SLC39A11: variants seen among roughly 807,000 people sequenced by gnomAD.
The protein encoded by SLC39A11 is zinc transporter ZIP11.
A neutral mutation model predicts 36.1 loss-of-function variants in SLC39A11; 33 were observed. The observed-to-expected ratio is 0.91, with a 90% CI of 0.69 to 1.22. The LOEUF (loss-of-function observed/expected upper bound fraction) is 1.22. SLC39A11 is among the 50% of genes most tolerant of loss of function. SLC39A11 has a pLI of 0.00. For missense variants in SLC39A11, 432 were observed against 430.3 expected (o/e 1.00, Z -0.03); for synonymous variants, 166 against 170.3 (o/e 0.97, Z 0.20).
intron 6 of SLC39A11, among the ~76,000 whole-genome samples, chr17:72,847,438 A>T (rs2079104063): frequency 6.6e-6 from 1 of 151,954 alleles, no homozygotes; most frequent in African/African-American, 2.4e-5. Flanking sequence ...AAAACCAACT[A>T]AAAAAAGCTT....
chr17:72,834,296 AG>A (rs1289133243), intron 6 of SLC39A11, among the ~76,000 whole-genome samples: 1 of 152,214 alleles, frequency 6.6e-6, no homozygotes, highest in Non-Finnish European at 1.5e-5. Context: ...ACAGGTGGCC[AG>A]GGACTATGGA....
chr17:72,751,613 C>T (rs1040630509), intron 6 of SLC39A11, among the ~76,000 whole-genome samples: 2 of 151,994 alleles, frequency 1.3e-5, no homozygotes, highest in African/African-American at 2.4e-5. Context: ...AGTCTTGCTC[C>T]GTCGCCCAGG....
At chr17:72,650,551 CGT>C (rs1488301191) in intron 7 of SLC39A11, among the ~76,000 whole-genome samples, 1 of 152,152 alleles carries the variant, frequency 6.6e-6, no homozygotes, top group Non-Finnish European at 1.5e-5. Context: ...CCCTTTTGCA[CGT>C]GAGACTCTAC....
chr17:72,928,758 G>A (rs1450333669), intron 5 of SLC39A11, among the ~76,000 whole-genome samples: 3 of 152,188 alleles, frequency 2.0e-5, no homozygotes, highest in Admixed American at 1.3e-4. Context: ...AGATAGAGGT[G>A]ATACAAACAA....
intron 3 of SLC39A11, among the ~76,000 whole-genome samples, chr17:73,083,516 G>A (rs113378219): frequency 2.6e-5 from 4 of 152,226 alleles, no homozygotes; most frequent in South Asian, 2.1e-4. Context: ...TTTGATATGG[G>A]TAATACATCT....
chr17:72,799,572 G>A (rs1407026084), intron 6 of SLC39A11, among the ~76,000 whole-genome samples: 1 of 151,990 alleles, frequency 6.6e-6, no homozygotes, highest in Non-Finnish European at 1.5e-5. Flanking sequence ...ATGCATTCCT[G>A]GGGGGAGATC....
At chr17:72,689,874 A>C (rs2071941318) in intron 7 of SLC39A11, among the ~76,000 whole-genome samples, 1 of 152,226 alleles carries the variant, frequency 6.6e-6, no homozygotes, top group African/African-American at 2.4e-5. Flanking sequence ...TAGAGGTGGC[A>C]GTTGTACAAC....
At chr17:72,754,053 C>T (rs56091486) in intron 6 of SLC39A11, among the ~76,000 whole-genome samples, 1,828 of 20,500 alleles carry the variant, frequency 0.089, 47 homozygotes, top group African/African-American at 0.19. Flanking sequence ...TATACACATA[C>T]ACACACACAC....
At chr17:72,793,014 G>A (rs1012468620) in intron 6 of SLC39A11, among the ~76,000 whole-genome samples, 2 of 152,136 alleles carry the variant, frequency 1.3e-5, no homozygotes, top group Non-Finnish European at 2.9e-5. Flanking sequence ...AATACAAACA[G>A]AGCATTTCGG....
intron 5 of SLC39A11, among the ~76,000 whole-genome samples, chr17:72,922,923 G>A (rs1428730049): frequency 3.0e-5 from 4 of 131,336 alleles, no homozygotes; most frequent in Non-Finnish European, 3.1e-5. Context: ...AGCTGAGAGT[G>A]CGCCACCAGC....
intron 6 of SLC39A11, among the ~76,000 whole-genome samples, chr17:72,848,675 C>T (rs969436658): frequency 2.7e-5 from 4 of 150,784 alleles, no homozygotes; most frequent in Admixed American, 6.6e-5. Flanking sequence ...AAGCCAAGAT[C>T]GCTCCACTGC....
At chr17:72,713,372 G>A (rs962717986) in intron 7 of SLC39A11, among the ~76,000 whole-genome samples, 2 of 152,124 alleles carry the variant, frequency 1.3e-5, no homozygotes, top group African/African-American at 4.8e-5. Context: ...ATCTTACAAA[G>A]CAGGAGCTCC....
chr17:73,043,937 C>G (rs1435834402), intron 3 of SLC39A11, among the ~76,000 whole-genome samples: 1 of 152,080 alleles, frequency 6.6e-6, no homozygotes, highest in Non-Finnish European at 1.5e-5. Context: ...TATCAAGAAG[C>G]CTTCATAATA....
intron 5 of SLC39A11, among the ~76,000 whole-genome samples, chr17:72,908,619 A>G (rs2082793770): frequency 6.6e-6 from 1 of 152,188 alleles, no homozygotes; most frequent in Non-Finnish European, 1.5e-5. Context: ...ATTCTGAGGA[A>G]GCGTCTACAG....
chr17:72,956,982 G>A (rs569619351), intron 4 of SLC39A11, among the ~76,000 whole-genome samples: 10 of 152,152 alleles, frequency 6.6e-5, no homozygotes, highest in African/African-American at 2.2e-4. Context: ...GTGGCTCATC[G>A]AGGGGCTGGA....
At chr17:73,042,385 T>G (rs2059138723) in intron 3 of SLC39A11, among the ~76,000 whole-genome samples, 1 of 152,210 alleles carries the variant, frequency 6.6e-6, no homozygotes, top group South Asian at 2.1e-4. Context: ...ACTCAGTGCC[T>G]ACTATGGAGC....
At chr17:73,050,462 C>CTTTTTTTTTT (rs558193911) in intron 3 of SLC39A11, among the ~76,000 whole-genome samples, 3 of 124,322 alleles carry the variant, frequency 2.4e-5, no homozygotes, top group African/African-American at 9.4e-5. Context: ...TGTGAACTGA[C>CTTTTTTTTTT]TTTTTTTTTT....
chr17:72,649,020 G>A (rs2069721775), intron 8 of SLC39A11, 59 bp from the exon 9 acceptor site: 1 of 1,577,562 alleles, frequency 6.3e-7, no homozygotes, highest in Non-Finnish European at 8.6e-7. Context: ...CACTCCACGT[G>A]CCCAGACTGT....
Position 73,008,822 on chromosome 17 carries a change from T to A in SLC39A11, c.306+22734A>T, listed in dbSNP as rs527781130. On this transcript the variant is annotated intron_variant, in intron 4 of 9. Coordinates refer to ENST00000255559, the MANE Select transcript of SLC39A11 (RefSeq NM_139177.4). ...TAATCCCAGCACTTTGGGAGGCTGA[T>A]GTGGAAGGATCACTTGGGCCCAGGA... Among the ~76,000 whole-genome samples, 253 of 148,018 alleles carry A rather than the reference T, an allele frequency of 1.7e-3. 1 individual carries two copies. Among genetic ancestry groups the A allele is most frequent in the African/African-American group, 6.0e-3 (242 of 40,102 alleles).
Sources: gnomAD v4.1 joint callset for allele counts (sites outside exome capture counted in the v4.1 genomes callset) on GRCh38, gnomAD v4.1.1 for gene constraint, MANE v1.5 for transcripts, NCBI Gene and HGNC (gene_info 2026-07-23, HGNC 2026-07-21) for gene names.